The following SYT10 variants were observed in gnomAD, a reference collection of about 807,000 sequenced individuals.
SYT10 encodes synaptotagmin-10.
A neutral mutation model predicts 51.1 loss-of-function variants in SYT10; 31 were observed. The observed-to-expected ratio is 0.61, with a 90% confidence interval of 0.46 to 0.82. The LOEUF is 0.82. SYT10 is among the 40% of genes least tolerant of loss of function. The pLI is 0.00. For synonymous variants in SYT10, 233 were observed against 225.9 expected (o/e 1.03, Z -0.28); for missense variants, 603 against 634.0 (o/e 0.95, Z 0.53).
chr12:33,409,889 T>A (rs1305215288), intron 2 of SYT10, among the ~76,000 whole-genome samples: 7 of 152,172 alleles, frequency 4.6e-5, no homozygotes, highest in Non-Finnish European at 7.3e-5. Context: ...GGATTAAGGC[T>A]AGCTGTCTTC....
chr12:33,416,223 G>A (rs1866452500), intron 2 of SYT10, among the ~76,000 whole-genome samples: 1 of 152,122 alleles, frequency 6.6e-6, no homozygotes, highest in South Asian at 2.1e-4. Flanking sequence ...TGGGATAACA[G>A]GAGTGTGCCA....
At chr12:33,436,519 T>C (rs1397522774) in intron 1 of SYT10, among the ~76,000 whole-genome samples, 1 of 152,192 alleles carries the variant, frequency 6.6e-6, no homozygotes, top group Admixed American at 6.5e-5. Context: ...ACCAATTTTA[T>C]TAAAGTATGA....
chr12:33,417,883 A>G (rs150011095), intron 2 of SYT10, among the ~76,000 whole-genome samples: 2 of 152,358 alleles, frequency 1.3e-5, no homozygotes, highest in East Asian at 3.9e-4. Flanking sequence ...TATAGGAATT[A>G]TGACATAGTG....
chr12:33,429,285 TTATAAC>T (rs1866578451), intron 1 of SYT10, among the ~76,000 whole-genome samples: 1 of 152,198 alleles, frequency 6.6e-6, no homozygotes, highest in African/African-American at 2.4e-5. Context: ...GAATTCTTGT[TTATAAC>T]TATATTTTTC....
In SYT10 at chr12:33,382,340, T is replaced by C; in HGVS notation, c.1370+9A>G. The C allele has an allele frequency of 6.3e-7, 1 of 1,579,742 alleles. No homozygotes were observed. Among genetic ancestry groups the C allele is most frequent in the Non-Finnish European group, 8.6e-7 (1 of 1,164,866 alleles). On this transcript the variant is annotated intron_variant, in intron 5 of 6. Transcript: ENST00000228567. ...GGCTGCTCTTCAGTGAGAAGAGAGA[T>C]ACACATACCTATCGTAATCCATGAC...
At chr12:33,409,398 G>T (rs1300090015) in intron 2 of SYT10, among the ~76,000 whole-genome samples, 1 of 151,882 alleles carries the variant, frequency 6.6e-6, no homozygotes, top group Admixed American at 6.6e-5. Context: ...TGTATTTTTG[G>T]TAGAGATGGG....
intron 1 of SYT10, among the ~76,000 whole-genome samples, chr12:33,431,201 T>C (rs1188880993): frequency 6.6e-6 from 1 of 152,190 alleles, no homozygotes; most frequent in Non-Finnish European, 1.5e-5. Flanking sequence ...ATTTTAAAAG[T>C]ACAAATTTGA....
chr12:33,431,543 TATTTA>T (rs756913937), intron 1 of SYT10, among the ~76,000 whole-genome samples: 16 of 152,166 alleles, frequency 1.1e-4, no homozygotes, highest in South Asian at 2.1e-4. Flanking sequence ...TAATTGTAAT[TATTTA>T]ATTTAATTTA....
At chr12:33,399,997 C>T (rs1277502139) in intron 3 of SYT10, among the ~76,000 whole-genome samples, 1 of 152,160 alleles carries the variant, frequency 6.6e-6, no homozygotes, top group Non-Finnish European at 1.5e-5. Context: ...TTGTCCCAAC[C>T]TGCAGGTCGA....
intron 3 of SYT10, among the ~76,000 whole-genome samples, chr12:33,388,117 C>T (rs937415114): frequency 4.3e-5 from 5 of 115,624 alleles, no homozygotes; most frequent in African/African-American, 2.0e-4. Context: ...AGGTACAAAA[C>T]TGCTAAAAAA....
intron 4 of SYT10, among the ~76,000 whole-genome samples, chr12:33,384,045 C>T (rs530990904): frequency 1.3e-5 from 2 of 152,220 alleles, no homozygotes; most frequent in African/African-American, 2.4e-5. Flanking sequence ...CACATACACA[C>T]TATGTATCGC....
At chr12:33,391,347 C>T (rs573709325) in intron 3 of SYT10, among the ~76,000 whole-genome samples, 7 of 151,598 alleles carry the variant, frequency 4.6e-5, no homozygotes, top group East Asian at 1.9e-4. Context: ...CTTTCCATGA[C>T]GATCTAGGAG....
intron 1 of SYT10, among the ~76,000 whole-genome samples, chr12:33,430,670 ATAAT>A (rs1866589806): frequency 6.6e-6 from 1 of 152,186 alleles, no homozygotes; most frequent in Non-Finnish European, 1.5e-5. Flanking sequence ...GTGATTTCCA[ATAAT>A]TAATCATAAA....
At chr12:33,406,694 C>T in intron 3 of SYT10, 95 bp downstream of exon 3, 3 of 1,074,438 alleles carry the variant, frequency 2.8e-6, no homozygotes, top group Non-Finnish European at 3.9e-6. Context: ...AATTCCATAA[C>T]TCTGCAAGGC....
At chr12:33,438,656 G>A (rs1866657216) in intron 1 of SYT10, among the ~76,000 whole-genome samples, 1 of 152,160 alleles carries the variant, frequency 6.6e-6, no homozygotes, top group Non-Finnish European at 1.5e-5. Flanking sequence ...GTCTGAGAGC[G>A]TGCGTGTGCT....
At chr12:33,428,725 T>C (rs1225820412) in intron 1 of SYT10, among the ~76,000 whole-genome samples, 1 of 152,098 alleles carries the variant, frequency 6.6e-6, no homozygotes, top group Non-Finnish European at 1.5e-5. Context: ...GCTAAAGCGA[T>C]GAAACTCCGT....
intron 3 of SYT10, among the ~76,000 whole-genome samples, chr12:33,398,151 C>T (rs558456064): frequency 1.3e-5 from 2 of 152,240 alleles, no homozygotes; most frequent in East Asian, 3.9e-4. Context: ...GGGATACTGT[C>T]TCCAGGTAGG....
intron 6 of SYT10, 37 bp from the exon 7 acceptor site, chr12:33,376,938 C>A: frequency 6.2e-7 from 1 of 1,603,570 alleles, no homozygotes; most frequent in East Asian, 2.2e-5. Flanking sequence ...TGATCTAGTA[C>A]AGAAATAGAA....
chr12:33,392,865 T>C (rs764807289), intron 3 of SYT10, among the ~76,000 whole-genome samples: 1 of 151,450 alleles, frequency 6.6e-6, no homozygotes, highest in Admixed American at 6.6e-5. Context: ...AGAGCTACTA[T>C]TGCCAGGACA....
Sources: gnomAD v4.1 joint callset for allele counts (sites outside exome capture counted in the v4.1 genomes callset) on GRCh38, gnomAD v4.1.1 for gene constraint, MANE v1.5 for transcripts, NCBI Gene and HGNC (gene_info 2026-07-23, HGNC 2026-07-21) for gene names.